Variants in SMOX observed in about 807,000 individuals in gnomAD.
SMOX encodes the protein flavin containing amine oxidase.
In SMOX, 22 loss-of-function variants were observed where a neutral mutation model predicts 51.0. That is an observed-to-expected ratio of 0.43 (90% CI 0.31 to 0.62). The LOEUF is 0.62. Ranked by LOEUF, SMOX falls within the 20% of genes least tolerant of loss-of-function variation. The pLI, the probability that SMOX is intolerant of heterozygous loss-of-function variation, is 0.10. For missense variants in SMOX, 566 were observed against 777.7 expected (o/e 0.73, Z 3.24); for synonymous variants, 282 against 307.8 (o/e 0.92, Z 0.88).
At chr20:4,158,057 C>A (rs914847239) in intron 1 of SMOX, among the ~76,000 whole-genome samples, 2 of 149,694 alleles carry the variant, frequency 1.3e-5, no homozygotes, top group East Asian at 4.0e-4. Context: ...CCCGCCACCA[C>A]GCCCGGCTAA....
intron 1 of SMOX, among the ~76,000 whole-genome samples, chr20:4,163,441 G>A (rs1344342165): frequency 2.6e-5 from 4 of 152,212 alleles, no homozygotes; most frequent in African/African-American, 4.8e-5. Flanking sequence ...GGTTGGGGGA[G>A]TGTTTACCTG....
In SMOX at chr20:4,175,247, GCA is replaced by G; in HGVS notation, c.193_194del (p.Gln65GlufsTer10). 6.2e-7 allele frequency: 1 copy of G among 1,614,112 alleles called. No individual in the cohort carries two copies. On this transcript the variant is annotated frameshift_variant, in exon 2 of 7. Transcript: ENST00000305958. LOFTEE classifies it high-confidence loss of function. ...CTTCCAGCCACATCGGAGGCCGTGT[GCA>G]GAGTGTGAAACTTGGTAAGTGCCAC... ...EASSHIGGRVQSVKLGHATFE... is the reference protein window; with the variant it reads ...EASSHIGGRVXSVKLGHATFE...
Position 4,183,618 on chromosome 20 carries a change from C to A in SMOX, c.1494C>A (p.Ala498=). The A allele has an allele frequency of 6.2e-7, 1 of 1,600,428 alleles. No individual in the cohort carries two copies. The highest frequency in any genetic ancestry group is 8.5e-7 in the Non-Finnish European group (1 of 1,172,976). Residue 498 remains alanine, a synonymous_variant, in exon 6 of 7, where the codon GCC becomes GCA. Transcript: ENST00000305958. The surrounding 1 kb of genome is among the most constrained non-coding windows in gnomAD (Gnocchi z 4.3). ...GSSGADVEKL[A]KPLPYTESSK... is the part of the protein sequence containing the mutation. ...GCGGGGCGGATGTGGAGAAGCTGGC[C>A]AAGCCCCTGCCGTACACAGAGAGCT...
chr20:4,180,680 C>T (rs2122568817), intron 3 of SMOX, among the ~76,000 whole-genome samples: 1 of 152,274 alleles, frequency 6.6e-6, no homozygotes, highest in East Asian at 1.9e-4. Flanking sequence ...TCCTTGCTGC[C>T]CCCTCCAGCA....
intron 3 of SMOX, among the ~76,000 whole-genome samples, chr20:4,178,381 T>C (rs1382941032): frequency 1.3e-5 from 2 of 152,222 alleles, no homozygotes; most frequent in East Asian, 1.9e-4. Context: ...GTAGCTACTG[T>C]GTTGGATAGC....
At chr20:4,154,343 TG>T (rs1170451251) in intron 1 of SMOX, among the ~76,000 whole-genome samples, 1 of 152,124 alleles carries the variant, frequency 6.6e-6, no homozygotes, top group Admixed American at 6.5e-5. Flanking sequence ...TCACCAGGTC[TG>T]GGGTGAGGCC....
Position 4,168,371 on chromosome 20 carries a change from C to G in SMOX, c.-26-6659C>G, listed in dbSNP as rs368158838. Among the ~76,000 whole-genome samples the G allele has an allele frequency of 7.2e-5, 11 of 152,200 alleles. No homozygotes were observed. In the East Asian group the frequency reaches 1.9e-3, roughly 27 times the overall value. Reference sequence around the variant, plus strand: ...CTTCAGCTGGTGGAGTCCTGGGCCCCAAGGGGAGCCAGGCAAAGTGAGCCA... The same window carrying G: ...CTTCAGCTGGTGGAGTCCTGGGCCCGAAGGGGAGCCAGGCAAAGTGAGCCA... On this transcript the variant is annotated intron_variant, in intron 1 of 6. Coordinates refer to ENST00000305958, the MANE Select transcript of SMOX (RefSeq NM_175839.3).
chr20:4,156,953 G>C (rs981755744), intron 1 of SMOX, among the ~76,000 whole-genome samples: 1 of 152,156 alleles, frequency 6.6e-6, no homozygotes, highest in African/African-American at 2.4e-5. Flanking sequence ...GTGTTGCCCA[G>C]GCTGGTCTGG....
chr20:4,182,255 A>G lies in SMOX; in HGVS notation c.776A>G (p.Lys259Arg), dbSNP rs1979387589. 4 of 1,613,544 alleles carry G rather than the reference A, an allele frequency of 2.5e-6. No individual in the cohort carries two copies. Among genetic ancestry groups the G allele is most frequent in the African/African-American group, 1.3e-5 (1 of 74,888 alleles). ...CCTGCCCACGTCATCCAGCTAGGGA[A>G]ACCTGTCCGCTGCATTCACTGGGAC... ...GIPAHVIQLG[K>R]PVRCIHWDQA... The change falls in exon 5 of 7, where the codon AAA (lysine) becomes AGA (arginine). Residue 259 changes from lysine to arginine, a missense_variant. This residue lies in a region of SMOX where 347 missense variants were observed against 481.8 expected (regional missense o/e 0.72). Coordinates refer to ENST00000305958, the MANE Select transcript of SMOX (RefSeq NM_175839.3). This position sits in a 1 kb window ranked among gnomAD's most constrained non-coding sequence, Gnocchi z 8.4.
In SMOX at chr20:4,182,119, A is replaced by C; in HGVS notation, c.640A>C (p.Met214Leu). 6.2e-7 allele frequency: 1 copy of C among 1,602,994 alleles called. No individual in the cohort carries two copies. Among genetic ancestry groups the C allele is most frequent in the Non-Finnish European group, 8.5e-7 (1 of 1,173,396 alleles). The change falls in exon 5 of 7, where the codon ATG (methionine) becomes CTG (leucine). Residue 214 changes from methionine to leucine, a missense_variant. This residue lies in a region of SMOX where 347 missense variants were observed against 481.8 expected (regional missense o/e 0.72). Coordinates refer to ENST00000305958, the MANE Select transcript of SMOX (RefSeq NM_175839.3). This position sits in a 1 kb window ranked among gnomAD's most constrained non-coding sequence, Gnocchi z 8.4. ...VESCESSSHS[M>L]DEVSLSAFGE... ...GAGCTGTGAGAGCAGCTCACACAGC[A>C]TGGACGAGGTGTCCCTGAGCGCCTT...
chr20:4,173,358 G>A (rs1020236071), intron 1 of SMOX, among the ~76,000 whole-genome samples: 5 of 152,192 alleles, frequency 3.3e-5, no homozygotes, highest in South Asian at 2.1e-4. Context: ...TGCTCAGTGC[G>A]TGATTGAGGT....
intron 1 of SMOX, among the ~76,000 whole-genome samples, chr20:4,161,251 T>C (rs13040475): frequency 6.6e-6 from 1 of 151,958 alleles, no homozygotes; most frequent in Non-Finnish European, 1.5e-5. Flanking sequence ...GGACACTGAC[T>C]CACGTCAGGG....
intron 1 of SMOX, among the ~76,000 whole-genome samples, chr20:4,164,031 G>C (rs193158064): frequency 6.6e-6 from 1 of 152,272 alleles, no homozygotes; most frequent in Non-Finnish European, 1.5e-5. Context: ...TTGTCCTGTT[G>C]TTGCACCTGC....
chr20:4,170,032 A>C lies in SMOX; in HGVS notation c.-26-4998A>C, dbSNP rs1273589572. ...GAGATCTTCCCCAGGCCTGCTACAT[A>C]GTAGGTGCTCAGTGAATTGCTAAAT... On this transcript the variant is annotated intron_variant, in intron 1 of 6. Transcript: ENST00000305958. This position sits in a 1 kb window ranked among gnomAD's most constrained non-coding sequence, Gnocchi z 4.6. 6.6e-6 allele frequency among the ~76,000 whole-genome samples: 1 copy of C among 152,024 alleles called. No individual in the cohort carries two copies. Among genetic ancestry groups the C allele is most frequent in the Non-Finnish European group, 1.5e-5 (1 of 68,006 alleles).
intron 1 of SMOX, among the ~76,000 whole-genome samples, chr20:4,162,717 G>A (rs1765012): frequency 0.087 from 13,264 of 152,230 alleles, 734 homozygotes; most frequent in African/African-American, 0.14. Context: ...CTTCTGATGA[G>A]GAGGCTTGGA....
chr20:4,169,878 G>A (rs951598994), intron 1 of SMOX, among the ~76,000 whole-genome samples: 1 of 152,148 alleles, frequency 6.6e-6, no homozygotes, highest in African/African-American at 2.4e-5. Flanking sequence ...GCCTTCAGGT[G>A]GGCGGGGCTG....
intron 1 of SMOX, among the ~76,000 whole-genome samples, chr20:4,159,514 C>G (rs992475751): frequency 6.6e-6 from 1 of 152,208 alleles, no homozygotes; most frequent in Non-Finnish European, 1.5e-5. Flanking sequence ...CTCTCTGAAT[C>G]TCAGTTGCCT....
At chr20:4,150,993 G>T (rs1360780942) in intron 1 of SMOX, among the ~76,000 whole-genome samples, 2 of 151,838 alleles carry the variant, frequency 1.3e-5, no homozygotes, top group Non-Finnish European at 2.9e-5. Flanking sequence ...CACCACGCCC[G>T]GCTAATTTTT....
chr20:4,186,714 T>C (rs777129987), intron 6 of SMOX: 3 of 780,364 alleles, frequency 3.8e-6, no homozygotes, highest in African/African-American at 1.7e-5. Flanking sequence ...TGTTTAGTAA[T>C]TGGGTTTCAT....
Sources: gnomAD v4.1 joint callset for allele counts (sites outside exome capture counted in the v4.1 genomes callset) on GRCh38, gnomAD v4.1.1 for gene constraint, gnomAD v4.1.1 regional missense constraint, Gnocchi (gnomAD v3.1) non-coding constraint, MANE v1.5 for transcripts, NCBI Gene and HGNC (gene_info 2026-07-23, HGNC 2026-07-21) for gene names.